The following SLC24A3 variants were observed in gnomAD, a reference collection of about 807,000 sequenced individuals.
SLC24A3 encodes sodium/potassium/calcium exchanger 3.
A neutral mutation model predicts 75.8 loss-of-function variants in SLC24A3; 28 were observed. That is an observed-to-expected ratio of 0.37 (90% CI 0.27 to 0.51). SLC24A3 has a LOEUF of 0.51. Among genes scored for constraint, SLC24A3 ranks in the 20% least tolerant of loss-of-function variants. The pLI is 0.94. For missense variants in SLC24A3, 663 were observed against 847.8 expected, an observed-to-expected ratio of 0.78 and a Z score of 2.71; for synonymous variants, 372 against 334.1, an observed-to-expected ratio of 1.11 and a Z score of -1.24.
intron 4 of SLC24A3, among the ~76,000 whole-genome samples, chr20:19,582,682 A>G (rs913988963): frequency 5.9e-5 from 9 of 152,184 alleles, no homozygotes; most frequent in African/African-American, 2.2e-4. Context: ...GTCCAGAGAT[A>G]CCATTGCAGA....
intron 1 of SLC24A3, among the ~76,000 whole-genome samples, chr20:19,232,101 A>G (rs1417145015): frequency 6.6e-6 from 1 of 152,150 alleles, no homozygotes; most frequent in Non-Finnish European, 1.5e-5. Flanking sequence ...GTGGTGGAAT[A>G]CTGTAGATTA....
At chr20:19,673,452 T>C in intron 8 of SLC24A3, 149 bp from the exon 9 acceptor site, 1 of 649,102 alleles carries the variant, frequency 1.5e-6, no homozygotes, top group Admixed American at 2.6e-5. Context: ...ATAGAGAATG[T>C]CTCTAGACCA....
intron 2 of SLC24A3, among the ~76,000 whole-genome samples, chr20:19,297,613 T>A (rs1984091553): frequency 6.6e-6 from 1 of 152,200 alleles, no homozygotes; most frequent in Non-Finnish European, 1.5e-5. Flanking sequence ...CACATCCTCA[T>A]ATACATACAT....
rs940467220 is a variant in SLC24A3 at position 19,651,427 on chromosome 20, C to T, written c.613-2635C>T. ...TATATATATATATATATCTGCTTTCCTCTCCTCTGTCTGGTAATTTCTAGG... is the reference window on the plus strand; with the variant it reads ...TATATATATATATATATCTGCTTTCTTCTCCTCTGTCTGGTAATTTCTAGG... On this transcript the variant is annotated intron_variant, in intron 6 of 16. Transcript: ENST00000328041. 1.1e-4 allele frequency among the ~76,000 whole-genome samples: 16 copies of T among 147,300 alleles called. 1 individual carries two copies. The East Asian group carries it at 3.2e-3, about 29-fold the overall frequency.
chr20:19,219,920 C>G (rs1479696190), intron 1 of SLC24A3, among the ~76,000 whole-genome samples: 1 of 152,192 alleles, frequency 6.6e-6, no homozygotes, highest in East Asian at 1.9e-4. Context: ...GGACCATCAT[C>G]AGGGGACCTG....
At position 19,241,502 on chromosome 20, in the gene SLC24A3, T is replaced by C. The variant is rs1600389067; in HGVS notation, c.142+28518T>C. 3.3e-5 allele frequency among the ~76,000 whole-genome samples: 5 copies of C among 152,166 alleles called. No individual in the cohort carries two copies. In the East Asian group the frequency reaches 9.6e-4, roughly 29 times the overall value. ...CCATTCTTGCGGTGGGCCTATTGAT[T>C]AGGAGAATCTCACCCAGTCTCGCTT... On this transcript the variant is annotated intron_variant, in intron 1 of 16. Coordinates refer to ENST00000328041, the MANE Select transcript of SLC24A3 (RefSeq NM_020689.4).
chr20:19,661,245 C>T (rs772068969), intron 7 of SLC24A3, among the ~76,000 whole-genome samples: 3 of 152,196 alleles, frequency 2.0e-5, no homozygotes, highest in Non-Finnish European at 4.4e-5. Flanking sequence ...ATCAGCTCGG[C>T]TAAAGCCCTG....
chr20:19,279,790 C>T (rs1236877305), intron 1 of SLC24A3, among the ~76,000 whole-genome samples: 1 of 152,190 alleles, frequency 6.6e-6, no homozygotes, highest in Non-Finnish European at 1.5e-5. Context: ...TTCTAATCTG[C>T]CACATGGATG....
chr20:19,720,657 G>T (rs149393333), intron 16 of SLC24A3, among the ~76,000 whole-genome samples: 7 of 152,230 alleles, frequency 4.6e-5, no homozygotes, highest in African/African-American at 1.7e-4. Flanking sequence ...AGCAAGATGG[G>T]GAAGGCCCAG....
intron 2 of SLC24A3, among the ~76,000 whole-genome samples, chr20:19,332,356 C>T (rs2078031): frequency 0.039 from 6,009 of 152,180 alleles, 488 homozygotes; most frequent in East Asian, 0.26. Flanking sequence ...AGCCCCCTTG[C>T]CTTGTTTCCC....
intron 2 of SLC24A3, among the ~76,000 whole-genome samples, chr20:19,288,509 G>A (rs1983865413): frequency 6.6e-6 from 1 of 152,176 alleles, no homozygotes; most frequent in South Asian, 2.1e-4. Context: ...ATAAAACTCT[G>A]CTGTTAGATG....
chr20:19,560,188 AG>A (rs989510675), intron 3 of SLC24A3, among the ~76,000 whole-genome samples: 3 of 152,146 alleles, frequency 2.0e-5, no homozygotes, highest in Non-Finnish European at 4.4e-5. Context: ...AAGCCAACAA[AG>A]GGGGGAATTA....
chr20:19,220,128 A>G (rs1216430986), intron 1 of SLC24A3, among the ~76,000 whole-genome samples: 1 of 152,228 alleles, frequency 6.6e-6, no homozygotes, highest in Non-Finnish European at 1.5e-5. Flanking sequence ...TGGGAGCTCC[A>G]GGAAACAAGG....
At chr20:19,406,068 T>A (rs771202080) in intron 2 of SLC24A3, among the ~76,000 whole-genome samples, 11 of 152,222 alleles carry the variant, frequency 7.2e-5, no homozygotes, top group Admixed American at 2.0e-4. Flanking sequence ...CTTATTTAAT[T>A]GCTTTAGAAA....
At chr20:19,425,838 A>G (rs1475048528) in intron 2 of SLC24A3, among the ~76,000 whole-genome samples, 2 of 152,090 alleles carry the variant, frequency 1.3e-5, no homozygotes, top group African/African-American at 2.4e-5. Context: ...TTGGTGCTCA[A>G]ATTGTCCCAA....
At chr20:19,714,289 C>T (rs2122171838) in intron 15 of SLC24A3, among the ~76,000 whole-genome samples, 1 of 151,836 alleles carries the variant, frequency 6.6e-6, no homozygotes, top group East Asian at 1.9e-4. Context: ...CCTATAGTCC[C>T]AGCTACTTGG....
intron 2 of SLC24A3, among the ~76,000 whole-genome samples, chr20:19,313,597 T>C (rs1361369486): frequency 6.6e-6 from 1 of 152,224 alleles, no homozygotes; most frequent in Non-Finnish European, 1.5e-5. Context: ...AACTTGCCTC[T>C]CCTGCCACTG....
rs562917232 is a variant in SLC24A3, at chr20:19,575,919, A to T, written c.349-4081A>T. On this transcript the variant is annotated intron_variant, in intron 3 of 16. Transcript: ENST00000328041. ...CTAGTAGATGAGCTGAACATCAGAA[A>T]AAGTGGAGATGGGGTGGTGAACCAG... Among the ~76,000 whole-genome samples, 8 of 152,330 alleles carry T rather than the reference A, an allele frequency of 5.3e-5. No homozygotes were observed. The East Asian group carries it at 1.5e-3, about 29-fold the overall frequency.
intron 2 of SLC24A3, among the ~76,000 whole-genome samples, chr20:19,377,781 CCCAGCCTTTT>C (rs1291625687): frequency 6.6e-6 from 1 of 152,222 alleles, no homozygotes; most frequent in East Asian, 1.9e-4. Context: ...TTCCTGACCA[CCCAGCCTTTT>C]CCTGTTCACA....
Sources: allele counts gnomAD v4.1 joint callset (sites outside exome capture counted in the v4.1 genomes callset), GRCh38; gene constraint gnomAD v4.1.1; transcripts MANE v1.5; gene names NCBI Gene and HGNC (gene_info 2026-07-23, HGNC 2026-07-21).